Variants in COX10 observed in about 807,000 individuals in gnomAD.
COX10 encodes the protein cytochrome c oxidase assembly factor heme A:farnesyltransferase COX10.
In COX10, 27 loss-of-function variants were observed where a neutral mutation model predicts 37.3. The ratio of observed to expected loss-of-function variants is 0.72; its 90% CI spans 0.53 to 1.00. The LOEUF (loss-of-function observed/expected upper bound fraction) is 1.00. COX10 is among the 50% of genes least tolerant of loss of function. The pLI is 0.00. For missense variants in COX10, 475 were observed against 563.2 expected, an observed-to-expected ratio of 0.84 and a Z score of 1.59; for synonymous variants, 222 against 229.1, an observed-to-expected ratio of 0.97 and a Z score of 0.28.
intron 5 of COX10, among the ~76,000 whole-genome samples, chr17:14,171,900 G>T (rs1410840110): frequency 6.6e-6 from 1 of 151,902 alleles, no homozygotes; most frequent in Non-Finnish European, 1.5e-5. Flanking sequence ...CCAAAGTCAG[G>T]CACCTATAAG....
intron 4 of COX10, among the ~76,000 whole-genome samples, chr17:14,135,493 T>C (rs1904335158): frequency 6.6e-6 from 1 of 151,854 alleles, no homozygotes; most frequent in African/African-American, 2.4e-5. Context: ...TATTCTACTT[T>C]GGGTCAGAAG....
chr17:14,188,687 G>T (rs1906112328), intron 5 of COX10, among the ~76,000 whole-genome samples: 1 of 152,144 alleles, frequency 6.6e-6, no homozygotes, highest in Admixed American at 6.6e-5. Flanking sequence ...GAAGGCAGAG[G>T]GAGCCAAATC....
In COX10 at chr17:14,069,657, C is replaced by T. The variant is rs2142176874; in HGVS notation, c.43+9C>T. Reference sequence around the variant, plus strand: ...CTCACGCCTCCTGACAGGTACTGTACCCGCCTTGGGCACGACCTTGGGGGA... The same window carrying T: ...CTCACGCCTCCTGACAGGTACTGTATCCGCCTTGGGCACGACCTTGGGGGA... On this transcript the variant is annotated intron_variant, in intron 1 of 6. Transcript: ENST00000261643. The T allele has an allele frequency of 1.2e-6, 2 of 1,614,100 alleles. No individual in the cohort carries two copies. The highest frequency in any genetic ancestry group is 2.2e-5 in the East Asian group (1 of 44,862).
At position 14,069,663 on chromosome 17, in the gene COX10, T is replaced by C; in HGVS notation, c.43+15T>C. 6.2e-7 allele frequency: 1 copy of C among 1,614,072 alleles called. No individual in the cohort carries two copies. The highest frequency in any genetic ancestry group is 8.5e-7 in the Non-Finnish European group (1 of 1,179,982). Reference sequence around the variant, plus strand: ...CCTCCTGACAGGTACTGTACCCGCCTTGGGCACGACCTTGGGGGAAATTCT... The same window carrying C: ...CCTCCTGACAGGTACTGTACCCGCCCTGGGCACGACCTTGGGGGAAATTCT... On this transcript the variant is annotated intron_variant, in intron 1 of 6. Transcript: ENST00000261643.
intron 5 of COX10, among the ~76,000 whole-genome samples, chr17:14,165,233 G>A (rs1264949305): frequency 6.6e-6 from 1 of 152,066 alleles, no homozygotes; most frequent in African/African-American, 2.4e-5. Context: ...GCTTTATTAT[G>A]CTTCATAGAT....
chr17:14,086,216 A>C (rs188571614), intron 3 of COX10, among the ~76,000 whole-genome samples: 2 of 152,072 alleles, frequency 1.3e-5, no homozygotes, highest in Non-Finnish European at 2.9e-5. Flanking sequence ...TTTTTATACT[A>C]TGCTTAGACT....
chr17:14,087,299 AGAGTC>A (rs1458814407), intron 3 of COX10, among the ~76,000 whole-genome samples: 1 of 152,052 alleles, frequency 6.6e-6, no homozygotes, highest in Admixed American at 6.6e-5. Context: ...TTTGTACCGT[AGAGTC>A]TTTTTTAATG....
intron 4 of COX10, among the ~76,000 whole-genome samples, chr17:14,143,789 C>G (rs1476959608): frequency 6.6e-6 from 1 of 152,126 alleles, no homozygotes; most frequent in South Asian, 2.1e-4. Context: ...ATGGATGAGA[C>G]GTATTTTCTC....
chr17:14,118,889 T>C (rs1242546185), intron 4 of COX10, among the ~76,000 whole-genome samples: 2 of 151,990 alleles, frequency 1.3e-5, no homozygotes, highest in African/African-American at 4.8e-5. Flanking sequence ...TTTTTTTTTT[T>C]CATACAAATA....
Position 14,069,535 on chromosome 17 carries a change from T to G in COX10, c.-71T>G. On this transcript the variant is annotated 5_prime_UTR_variant, in exon 1 of 7. It removes an upstream start codon present in the reference 5' UTR. Transcript: ENST00000261643. ...CCCACAGGGGGGCGGGGAAGGAAGA[T>G]GGCGGCGCCCAGCGTCCCGTGAGGA... 1 of 1,586,918 alleles carries G rather than the reference T, an allele frequency of 6.3e-7. No individual in the cohort carries two copies. The highest frequency in any genetic ancestry group is 8.6e-7 in the Non-Finnish European group (1 of 1,158,964).
At chr17:14,134,861 A>G (rs927165492) in intron 4 of COX10, among the ~76,000 whole-genome samples, 5 of 151,670 alleles carry the variant, frequency 3.3e-5, no homozygotes, top group African/African-American at 7.3e-5. Context: ...GAGAGATTGC[A>G]TGTAGCCTTT....
chr17:14,175,093 G>A (rs1267482329), intron 5 of COX10, among the ~76,000 whole-genome samples: 5 of 51,116 alleles, frequency 9.8e-5, no homozygotes, highest in East Asian at 2.7e-3. Context: ...CGGGGGGGGG[G>A]GGGGTGGATA....
chr17:14,115,640 C>G (rs898600944), intron 4 of COX10, among the ~76,000 whole-genome samples: 1 of 152,024 alleles, frequency 6.6e-6, no homozygotes, highest in African/African-American at 2.4e-5. Flanking sequence ...AAGCGTCCAT[C>G]AATGGATGAT....
At chr17:14,129,290 A>T (rs1916412780) in intron 4 of COX10, among the ~76,000 whole-genome samples, 1 of 151,768 alleles carries the variant, frequency 6.6e-6, no homozygotes, top group African/African-American at 2.4e-5. Context: ...ATAACACTTT[A>T]TATTTCAAAA....
At chr17:14,128,242 A>C (rs2142217431) in intron 4 of COX10, among the ~76,000 whole-genome samples, 1 of 152,220 alleles carries the variant, frequency 6.6e-6, no homozygotes, top group East Asian at 1.9e-4. Context: ...TTTCATATTA[A>C]TCTATTTTAA....
chr17:14,147,043 T>A (rs1171512505), intron 4 of COX10, among the ~76,000 whole-genome samples: 1 of 152,080 alleles, frequency 6.6e-6, no homozygotes, highest in East Asian at 1.9e-4. Flanking sequence ...ACACTGTTAG[T>A]GGGAATGTGA....
At chr17:14,072,968 A>T (rs943737223) in intron 1 of COX10, among the ~76,000 whole-genome samples, 1 of 152,196 alleles carries the variant, frequency 6.6e-6, no homozygotes, top group African/African-American at 2.4e-5. Context: ...GCATAAAGTG[A>T]TAGAGTAGTT....
intron 4 of COX10, among the ~76,000 whole-genome samples, chr17:14,111,507 G>T (rs913770505): frequency 6.6e-6 from 1 of 152,056 alleles, no homozygotes; most frequent in African/African-American, 2.4e-5. Context: ...AAAATACTAA[G>T]TTAAAGTACA....
intron 4 of COX10, among the ~76,000 whole-genome samples, chr17:14,103,109 TTG>T (rs1915823073): frequency 1.3e-5 from 2 of 151,780 alleles, no homozygotes; most frequent in African/African-American, 4.8e-5. Flanking sequence ...AGTTTTTTTG[TTG>T]TTGTTGTTAT....
Sources: gnomAD v4.1 joint callset for allele counts (sites outside exome capture counted in the v4.1 genomes callset) on GRCh38, gnomAD v4.1.1 for gene constraint, MANE v1.5 for transcripts, NCBI Gene and HGNC (gene_info 2026-07-23, HGNC 2026-07-21) for gene names.